Variants in TNS1 observed in about 807,000 individuals in gnomAD.
The protein encoded by TNS1 is tensin 1.
A neutral mutation model predicts 168.6 loss-of-function variants in TNS1; 62 were observed. That is an observed-to-expected ratio of 0.37 (90% CI 0.30 to 0.45). TNS1 has a LOEUF of 0.45. TNS1 is among the 20% of genes least tolerant of loss of function. The pLI is 1.00. For synonymous variants in TNS1, 934 were observed against 933.2 expected (o/e 1.00, Z -0.02); for missense variants, 2,240 against 2,339.4 (o/e 0.96, Z 0.88).
chr2:217,907,676 T>A (rs938982022), intron 4 of TNS1, among the ~76,000 whole-genome samples: 1 of 152,216 alleles, frequency 6.6e-6, no homozygotes, highest in Non-Finnish European at 1.5e-5. Context: ...TCAACTCTAA[T>A]AGAGACGGCA....
At chr2:217,842,854 C>T (rs1369179641) in intron 19 of TNS1, among the ~76,000 whole-genome samples, 5 of 152,184 alleles carry the variant, frequency 3.3e-5, no homozygotes, top group African/African-American at 9.7e-5. Flanking sequence ...CTCCATGGGG[C>T]TCATCTCTCG....
In TNS1 at chr2:217,906,703, C is replaced by G. The variant is rs1194034091; in HGVS notation, c.271-318G>C. 2.0e-5 allele frequency among the ~76,000 whole-genome samples: 3 copies of G among 152,084 alleles called. No homozygotes were observed. The East Asian group carries it at 5.8e-4, about 29-fold the overall frequency. On this transcript the variant is annotated intron_variant, in intron 5 of 32. Transcript: ENST00000682258. ...ACCTTGGCAGAGTCAAGATTTGAAC[C>G]GAAGTCCTTCATCTCCAAGCCCATG...
At chr2:218,004,372 C>CA (rs1559410025), upstream of TNS1, among the ~76,000 whole-genome samples, 3 of 152,178 alleles carry the variant, frequency 2.0e-5, no homozygotes, top group East Asian at 5.8e-4. Context: ...CCTGCCTCCC[C>CA]CCCCCACTCA....
chr2:217,885,128 G>C lies in TNS1; in HGVS notation c.1153C>G (p.Arg385Gly). Residue 385 changes from arginine to glycine, a missense_variant, in exon 16 of 33, where the codon CGA becomes GGA. Physicochemically the swap from Arg to Gly is moderately radical, Grantham distance 125. Transcript: ENST00000682258. ...AACTGCACACGGAAGATGACGTCTC[G>C]GGCTGGGCTTCGGAACTTCTTGTGG... ...CYHKKFRSPA[R>G]DVIFRVQFHT... 1 of 1,614,226 alleles carries C rather than the reference G, an allele frequency of 6.2e-7. No homozygotes were observed. Among genetic ancestry groups the C allele is most frequent in the Non-Finnish European group, 8.5e-7 (1 of 1,180,042 alleles).
intron 24 of TNS1, among the ~76,000 whole-genome samples, chr2:217,817,411 GA>G (rs1313301715): frequency 6.6e-6 from 1 of 152,200 alleles, no homozygotes; most frequent in Non-Finnish European, 1.5e-5. Flanking sequence ...TAATGGCTAT[GA>G]GGACGATGAT....
intron 6 of TNS1, chr2:217,901,880 G>C (rs1357494312): frequency 6.6e-6 from 1 of 152,340 alleles, no homozygotes; most frequent in Non-Finnish European, 1.5e-5. Flanking sequence ...CCCCAAGTTA[G>C]AGCAGCTCTG....
chr2:217,969,214 T>C (rs998500668), intron 3 of TNS1, among the ~76,000 whole-genome samples: 1 of 152,292 alleles, frequency 6.6e-6, no homozygotes. Context: ...GCCAAGATCA[T>C]TCAGTGGGGA....
chr2:217,838,400 G>A (rs902061308), intron 19 of TNS1, among the ~76,000 whole-genome samples: 2 of 152,228 alleles, frequency 1.3e-5, no homozygotes, highest in Non-Finnish European at 2.9e-5. Context: ...TGAGATCCTG[G>A]CATGAGGCAG....
intron 1 of TNS1, among the ~76,000 whole-genome samples, chr2:218,031,326 A>G (rs1958896542): frequency 7.6e-6 from 1 of 131,412 alleles, no homozygotes; most frequent in African/African-American, 3.0e-5. Context: ...TGGGTGTGTG[A>G]GCATGTCTGT....
chr2:217,850,582 GACAC>G (rs1207669519), intron 18 of TNS1: 38,785 of 859,700 alleles, frequency 0.045, 160 homozygotes, highest in African/African-American at 0.073. Flanking sequence ...AGCCCCGACA[GACAC>G]ACACACACAC....
At chr2:217,808,531 A>C in intron 31 of TNS1, 72 bp downstream of exon 31, 2 of 1,366,632 alleles carry the variant, frequency 1.5e-6, no homozygotes, top group African/African-American at 1.4e-5. Context: ...ACACACATGC[A>C]CATGCATGCA....
rs573432829 is a variant in TNS1, at chr2:217,818,263, C to A, written c.4069G>T (p.Val1357Phe). ...TTGTGGAGGCCAGAAACCTGGTAGA[C>A]CCCTGCTGGGTGCCGACACAGGCTG... Reference protein sequence around the residue: ...SPSLCRHPAGVYQVSGLHNKV... With the variant: ...SPSLCRHPAGFYQVSGLHNKV... The change falls in exon 24 of 33, where the codon GTC (valine) becomes TTC (phenylalanine). Residue 1357 changes from valine to phenylalanine, a missense_variant. By Grantham distance (50) the Val-to-Phe change is conservative. Around this residue, in one of 2 missense-constraint regions of TNS1, gnomAD observed 2,131 missense variants for 2,171.2 expected, o/e 0.98. Transcript: ENST00000682258. 3 of 1,613,606 alleles carry A rather than the reference C, an allele frequency of 1.9e-6. No homozygotes were observed. The highest frequency in any genetic ancestry group is 2.2e-5 in the East Asian group (1 of 44,844).
chr2:217,813,298 G>A lies in TNS1; in HGVS notation c.4871C>T (p.Thr1624Ile). The A allele has an allele frequency of 1.9e-6, 3 of 1,587,324 alleles. No homozygotes were observed. Among genetic ancestry groups the A allele is most frequent in the East Asian group, 2.3e-5 (1 of 43,804 alleles). ...CAGAAAATGCCTGACCAGCTCATGG[G>A]TCATGTCTCCTGGGACAAAGAGAAA... ...IMQQNKKGDM[T>I]HELVRHFLIE... Residue 1624 changes from threonine (T) to isoleucine (I), a missense_variant, in exon 27 of 33, where the codon ACC (threonine) becomes ATC (isoleucine). Around this residue, in one of 2 missense-constraint regions of TNS1, gnomAD observed 2,131 missense variants for 2,171.2 expected, o/e 0.98. Coordinates refer to ENST00000682258, the MANE Select transcript of TNS1 (RefSeq NM_001387777.1). This position sits in a 1 kb window ranked among gnomAD's most constrained non-coding sequence, Gnocchi z 4.0.
intron 3 of TNS1, among the ~76,000 whole-genome samples, chr2:217,939,677 T>C (rs1956811302): frequency 6.7e-6 from 1 of 149,368 alleles, no homozygotes. Flanking sequence ...GGCCCCCGCC[T>C]TGCTGGTCCA....
At chr2:217,865,564 A>C (rs1344186976) in intron 18 of TNS1, among the ~76,000 whole-genome samples, 1 of 152,180 alleles carries the variant, frequency 6.6e-6, no homozygotes, top group Non-Finnish European at 1.5e-5. Context: ...TGCTGCTAAC[A>C]ATTTTTTTAA....
chr2:218,031,128 G>GTA (rs1958891192), intron 1 of TNS1, among the ~76,000 whole-genome samples: 2 of 81,224 alleles, frequency 2.5e-5, no homozygotes, highest in African/African-American at 2.0e-4. Context: ...GAGCATGTCT[G>GTA]TGTGTGTGTG....
At position 217,848,192 on chromosome 2, in the gene TNS1, C is replaced by G. The variant is rs766517070; in HGVS notation, c.2325G>C (p.Trp775Cys). The G allele has an allele frequency of 5.2e-5, 84 of 1,603,354 alleles. No homozygotes were observed. Among genetic ancestry groups the G allele is most frequent in the Non-Finnish European group, 6.2e-5 (73 of 1,174,768 alleles). ...REAVQRGLNSWQQQQQQQQQP... is the reference protein window; with the variant it reads ...REAVQRGLNSCQQQQQQQQQP... The stretch of plus-strand genomic sequence containing the variant: ...GCTGCTGCTGCTGCTGCTGCTGCTG[C>G]CACGAATTCAGTCCCCTTTGCACAG... The change falls in exon 19 of 33, where the codon TGG becomes TGC. Residue 775 changes from tryptophan (W) to cysteine (C), a missense_variant. Around this residue, in one of 2 missense-constraint regions of TNS1, gnomAD observed 2,131 missense variants for 2,171.2 expected, o/e 0.98. Transcript: ENST00000682258.
At chr2:217,923,881 A>G (rs1955868089) in intron 3 of TNS1, among the ~76,000 whole-genome samples, 1 of 152,154 alleles carries the variant, frequency 6.6e-6, no homozygotes, top group African/African-American at 2.4e-5. Flanking sequence ...ACCAGGGCTG[A>G]TGCCTGGCAC....
intron 18 of TNS1, among the ~76,000 whole-genome samples, chr2:217,851,131 C>T (rs1169315541): frequency 6.7e-6 from 1 of 150,146 alleles, no homozygotes; most frequent in African/African-American, 2.4e-5. Context: ...CAAACACACA[C>T]ACACACACAT....
Sources: allele counts gnomAD v4.1 joint callset (sites outside exome capture counted in the v4.1 genomes callset), GRCh38; gene constraint gnomAD v4.1.1; regional missense constraint gnomAD v4.1.1; non-coding constraint Gnocchi (gnomAD v3.1); transcripts MANE v1.5; gene names NCBI Gene and HGNC (gene_info 2026-07-23, HGNC 2026-07-21).